The following FRY variants were observed in gnomAD, a reference collection of about 807,000 sequenced individuals.
FRY encodes the protein protein furry homolog.
A neutral mutation model predicts 348.4 loss-of-function variants in FRY; 128 were observed. The observed-to-expected ratio is 0.37, with a 90% CI of 0.32 to 0.43. FRY has a LOEUF of 0.43. FRY is among the 20% of genes least tolerant of loss of function. The probability of loss-of-function intolerance (pLI) is 1.00; values close to 1 mark genes in which losing one functional copy is unlikely to be tolerated. For synonymous variants in FRY, 1,370 were observed against 1,374.7 expected (o/e 1.00, Z 0.08); for missense variants, 2,736 against 3,695.2 (o/e 0.74, Z 6.73).
intron 46 of FRY, among the ~76,000 whole-genome samples, chr13:32,240,704 C>T (rs572921770): frequency 4.5e-4 from 68 of 152,320 alleles, no homozygotes; most frequent in African/African-American, 1.6e-3. Context: ...GACTGGTAAT[C>T]GCTACGTTGT....
chr13:32,220,137 T>C (rs1488062024), intron 36 of FRY, among the ~76,000 whole-genome samples: 1 of 152,268 alleles, frequency 6.6e-6, no homozygotes, highest in African/African-American at 2.4e-5. Context: ...GTAAATATAC[T>C]GACATTTCAT....
chr13:32,114,704 C>T (rs1337597470), intron 3 of FRY, among the ~76,000 whole-genome samples: 2 of 152,170 alleles, frequency 1.3e-5, no homozygotes, highest in Non-Finnish European at 2.9e-5. Context: ...GAATTCTGAT[C>T]CCTTTTTCTT....
At chr13:32,105,648 T>C (rs545708834) in intron 3 of FRY, among the ~76,000 whole-genome samples, 1 of 152,298 alleles carries the variant, frequency 6.6e-6, no homozygotes, top group South Asian at 2.1e-4. Context: ...CCACCTTGAG[T>C]GGTTCAGACT....
intron 24 of FRY, among the ~76,000 whole-genome samples, chr13:32,183,549 G>A (rs1229571417): frequency 2.0e-5 from 3 of 151,830 alleles, no homozygotes; most frequent in East Asian, 1.9e-4. Context: ...AGGCCAAAGC[G>A]GGCAGATCAA....
chr13:32,060,699 G>T (rs1249628020), intron 1 of FRY, among the ~76,000 whole-genome samples: 1 of 152,190 alleles, frequency 6.6e-6, no homozygotes, highest in Non-Finnish European at 1.5e-5. Flanking sequence ...TGCTATGCAT[G>T]GACTGTTTAT....
At chr13:32,120,917 C>T (rs1878610944) in intron 4 of FRY, among the ~76,000 whole-genome samples, 1 of 152,250 alleles carries the variant, frequency 6.6e-6, no homozygotes, top group Admixed American at 6.5e-5. Context: ...ACCTTGGCCT[C>T]CCAAAGTGCT....
At chr13:32,241,477 G>C (rs750395165) in intron 46 of FRY, among the ~76,000 whole-genome samples, 10 of 152,218 alleles carry the variant, frequency 6.6e-5, no homozygotes, top group Non-Finnish European at 1.0e-4. Context: ...ATGTAGAATA[G>C]TAGTTACCAG....
chr13:32,273,247 G>A lies in FRY; in HGVS notation c.8137-1595G>A, dbSNP rs1037491538. ...CTTTTTTTTTTTTTTTTTTTGAGAC[G>A]GAGTCTCGCTGTCGCCCAGGCTGGA... On this transcript the variant is annotated intron_variant, in intron 55 of 60. Transcript: ENST00000542859. 5.0e-5 allele frequency among the ~76,000 whole-genome samples: 7 copies of A among 140,806 alleles called. No homozygotes were observed. In the East Asian group the frequency reaches 6.2e-4, roughly 12 times the overall value. The allele number at this position is 140,806 out of a possible 152,430, so 92.4% of individuals were successfully genotyped here.
chr13:32,147,183 T>G (rs1276096471), intron 11 of FRY, 99 bp from the exon 12 acceptor site: 2 of 733,492 alleles, frequency 2.7e-6, no homozygotes, highest in African/African-American at 3.5e-5. Context: ...GCCATCCACC[T>G]GGAGCTTGCC....
chr13:32,221,788 C>T (rs1341520502), intron 36 of FRY, among the ~76,000 whole-genome samples: 1 of 152,240 alleles, frequency 6.6e-6, no homozygotes, highest in African/African-American at 2.4e-5. Flanking sequence ...GCTGGGATTA[C>T]AGGCATGAGC....
At chr13:32,275,027 C>G in intron 56 of FRY, 36 bp downstream of exon 56, 1 of 1,574,608 alleles carries the variant, frequency 6.4e-7, no homozygotes, top group South Asian at 1.1e-5. Context: ...AGTGAAGGGC[C>G]TACGCAACCT....
intron 60 of FRY, 141 bp downstream of exon 60, chr13:32,294,711 A>T: frequency 1.4e-6 from 1 of 716,460 alleles, no homozygotes; most frequent in Non-Finnish European, 2.5e-6. Context: ...GCCAAACCAG[A>T]AACACTCAGC....
chr13:32,167,911 G>A (rs191906449), intron 17 of FRY, among the ~76,000 whole-genome samples: 18 of 152,286 alleles, frequency 1.2e-4, no homozygotes, highest in Admixed American at 9.8e-4. Context: ...GTGAAGGAGT[G>A]TTTTCTCCCC....
At chr13:32,223,098 A>G (rs1885399720) in intron 36 of FRY, among the ~76,000 whole-genome samples, 1 of 152,086 alleles carries the variant, frequency 6.6e-6, no homozygotes, top group African/African-American at 2.4e-5. Flanking sequence ...GGATTATTAC[A>G]GGCGTGTACC....
chr13:32,273,693 C>T (rs902573366), intron 55 of FRY, among the ~76,000 whole-genome samples: 3 of 152,166 alleles, frequency 2.0e-5, no homozygotes, highest in African/African-American at 7.2e-5. Flanking sequence ...CTCAAATGCA[C>T]AGTTTCCGTG....
intron 1 of FRY, among the ~76,000 whole-genome samples, chr13:32,035,752 A>T (rs1872477428): frequency 6.6e-6 from 1 of 152,222 alleles, no homozygotes; most frequent in Non-Finnish European, 1.5e-5. Flanking sequence ...AAACTTTTGA[A>T]TGCCCATTAA....
At chr13:32,265,663 CATTATATGG>C in intron 54 of FRY, 47 bp downstream of exon 54, 2 of 1,539,598 alleles carry the variant, frequency 1.3e-6, no homozygotes, top group Non-Finnish European at 1.8e-6. Context: ...GTGCATGGTA[CATTATATGG>C]CATTCACACT....
intron 59 of FRY, among the ~76,000 whole-genome samples, chr13:32,291,036 T>C (rs1018595768): frequency 6.6e-6 from 1 of 152,006 alleles, no homozygotes; most frequent in African/African-American, 2.4e-5. Flanking sequence ...TGCAGGTGGT[T>C]AGACGTGAGG....
intron 59 of FRY, among the ~76,000 whole-genome samples, chr13:32,293,109 C>T (rs1237078584): frequency 6.6e-6 from 1 of 152,092 alleles, no homozygotes; most frequent in Non-Finnish European, 1.5e-5. Context: ...TGACATGACT[C>T]ACTTTATTGC....
Sources: gnomAD v4.1 joint callset for allele counts (sites outside exome capture counted in the v4.1 genomes callset) on GRCh38, gnomAD v4.1.1 for gene constraint, MANE v1.5 for transcripts, NCBI Gene and HGNC (gene_info 2026-07-23, HGNC 2026-07-21) for gene names.